TMEM108: variants seen among roughly 807,000 people sequenced by gnomAD.
The protein encoded by TMEM108 is cancer/testis antigen 124.
A neutral mutation model predicts 35.1 loss-of-function variants in TMEM108; 12 were observed. The ratio of observed to expected loss-of-function variants is 0.34; its 90% CI spans 0.22 to 0.55. The LOEUF (loss-of-function observed/expected upper bound fraction) is 0.55, where lower values mean the gene tolerates loss of function less well. TMEM108 is among the 20% of genes least tolerant of loss of function. The pLI is 0.89. For missense variants in TMEM108, 680 were observed against 753.3 expected, an observed-to-expected ratio of 0.90 and a Z score of 1.14; for synonymous variants, 287 against 308.6, an observed-to-expected ratio of 0.93 and a Z score of 0.73.
intron 2 of TMEM108, among the ~76,000 whole-genome samples, chr3:133,221,660 C>CTTTTTT (rs3078806): frequency 1.7e-5 from 1 of 60,356 alleles, no homozygotes; most frequent in Non-Finnish European, 3.0e-5. Context: ...ACATTGATTC[C>CTTTTTT]TTTTTTTTTT....
At chr3:133,296,015 G>C (rs1365021219) in intron 3 of TMEM108, among the ~76,000 whole-genome samples, 1 of 152,138 alleles carries the variant, frequency 6.6e-6, no homozygotes, top group East Asian at 1.9e-4. Flanking sequence ...AAGGGCTCTT[G>C]TCCAAATTGA....
At chr3:133,074,549 G>A (rs1264529368) in intron 2 of TMEM108, among the ~76,000 whole-genome samples, 6 of 152,164 alleles carry the variant, frequency 3.9e-5, no homozygotes, top group Admixed American at 3.9e-4. Flanking sequence ...GAGTGCAGTG[G>A]TGTGATCTCA....
At chr3:133,360,726 G>A (rs1308820514) in intron 3 of TMEM108, among the ~76,000 whole-genome samples, 1 of 152,156 alleles carries the variant, frequency 6.6e-6, no homozygotes, top group Non-Finnish European at 1.5e-5. Flanking sequence ...CCAATTCCAA[G>A]TGTAGCCCCA....
intron 4 of TMEM108, chr3:133,387,260 C>T: frequency 1.0e-6 from 1 of 985,438 alleles, no homozygotes; most frequent in Non-Finnish European, 1.2e-6. Context: ...TCATTACAAG[C>T]CTATGAAGTT....
intron 1 of TMEM108, among the ~76,000 whole-genome samples, chr3:133,039,858 T>G (rs1227327651): frequency 6.6e-6 from 1 of 152,186 alleles, no homozygotes; most frequent in Non-Finnish European, 1.5e-5. Context: ...CATGTTTCTT[T>G]AGGAAATGAC....
intron 2 of TMEM108, among the ~76,000 whole-genome samples, chr3:133,222,413 C>G (rs1269903098): frequency 6.6e-6 from 1 of 152,048 alleles, no homozygotes; most frequent in Admixed American, 6.5e-5. Context: ...CCTTCCTGTA[C>G]CTGGATATTT....
At chr3:133,093,762 T>G (rs35674841) in intron 2 of TMEM108, among the ~76,000 whole-genome samples, 13,102 of 152,224 alleles carry the variant, frequency 0.086, 678 homozygotes, top group East Asian at 0.12. Context: ...TAAAACATTT[T>G]TATGCCTTTC....
chr3:133,343,096 T>C (rs1390237085), intron 3 of TMEM108, among the ~76,000 whole-genome samples: 3 of 151,806 alleles, frequency 2.0e-5, no homozygotes, highest in East Asian at 3.9e-4. Flanking sequence ...CAAAAAGATA[T>C]ATGGGTGGCA....
intron 2 of TMEM108, among the ~76,000 whole-genome samples, chr3:133,052,685 T>C (rs2107676046): frequency 6.6e-6 from 1 of 152,252 alleles, no homozygotes; most frequent in East Asian, 1.9e-4. Context: ...TTGGTTTGCC[T>C]TTCTTACCCA....
chr3:133,077,988 A>G (rs1434943419), intron 2 of TMEM108, among the ~76,000 whole-genome samples: 1 of 152,098 alleles, frequency 6.6e-6, no homozygotes, highest in Non-Finnish European at 1.5e-5. Context: ...TGTCTTCCAA[A>G]CTAAGACTTT....
chr3:133,239,986 A>C (rs1222058589), intron 3 of TMEM108, among the ~76,000 whole-genome samples: 2 of 152,236 alleles, frequency 1.3e-5, no homozygotes, highest in African/African-American at 4.8e-5. Flanking sequence ...TTTAAGAATG[A>C]GAAGGGCACA....
rs1616304 is a variant in TMEM108 at position 133,302,515 on chromosome 3, G to A, written c.40+73164G>A. Among the ~76,000 whole-genome samples, 1,349 of 140,570 alleles carry A rather than the reference G, an allele frequency of 9.6e-3. 59 individuals carry two copies. The highest frequency in any genetic ancestry group is 0.082 in the Admixed American group (1,084 of 13,216). 92.2% of individuals were successfully genotyped at this position (140,570 alleles called of 152,430 possible). ...GGCTCACTTGCAAGCTCTGCCTCCC[G>A]GGTTCACACCATTCTCCTGCCTCAG... On this transcript the variant is annotated intron_variant, in intron 3 of 5. Transcript: ENST00000321871.
At chr3:133,134,446 A>T (rs185919822) in intron 2 of TMEM108, among the ~76,000 whole-genome samples, 1 of 152,178 alleles carries the variant, frequency 6.6e-6, no homozygotes, top group East Asian at 1.9e-4. Context: ...CTTAATTGCC[A>T]TGTGTGATAT....
chr3:133,335,220 G>A (rs956306266), intron 3 of TMEM108, among the ~76,000 whole-genome samples: 2 of 152,150 alleles, frequency 1.3e-5, no homozygotes, highest in Admixed American at 6.5e-5. Flanking sequence ...GGATGACAAA[G>A]ACTTTCATTT....
At chr3:133,189,722 TCTCAA>T (rs1405499117) in intron 2 of TMEM108, among the ~76,000 whole-genome samples, 2 of 152,140 alleles carry the variant, frequency 1.3e-5, no homozygotes, top group African/African-American at 4.8e-5. Context: ...TCTAAGAAAT[TCTCAA>T]CTCAAGTTGG....
intron 2 of TMEM108, among the ~76,000 whole-genome samples, chr3:133,050,614 C>T (rs557418318): frequency 6.6e-6 from 1 of 152,126 alleles, no homozygotes; most frequent in East Asian, 1.9e-4. Context: ...TCATTATAGT[C>T]TATAGGTATT....
At position 133,245,775 on chromosome 3, in the gene TMEM108, A is replaced by G. The variant is rs577149094; in HGVS notation, c.40+16424A>G. On this transcript the variant is annotated intron_variant, in intron 3 of 5. Transcript: ENST00000321871. ...TGAGAATTATGGTCTAGGTTGGCCC[A>G]GTCTAATGGACATAGAACACAAGGC... Among the ~76,000 whole-genome samples the G allele has an allele frequency of 2.0e-4, 30 of 152,380 alleles. No individual in the cohort carries two copies. The East Asian group carries it at 5.4e-3, about 27-fold the overall frequency.
At chr3:133,204,261 T>C (rs797012381) in intron 2 of TMEM108, among the ~76,000 whole-genome samples, 5 of 134,280 alleles carry the variant, frequency 3.7e-5, no homozygotes, top group African/African-American at 9.9e-5. Flanking sequence ...CCTGGATTCA[T>C]TGATTTTTTT....
chr3:133,104,528 A>G (rs563160336), intron 2 of TMEM108, among the ~76,000 whole-genome samples: 20 of 152,188 alleles, frequency 1.3e-4, no homozygotes, highest in Non-Finnish European at 2.8e-4. Context: ...CTTTCTCCCA[A>G]AGGGTGAGGT....
Sources: allele counts gnomAD v4.1 joint callset (sites outside exome capture counted in the v4.1 genomes callset), GRCh38; gene constraint gnomAD v4.1.1; transcripts MANE v1.5; gene names NCBI Gene and HGNC (gene_info 2026-07-23, HGNC 2026-07-21).